NTRK2: variants seen among roughly 807,000 people sequenced by gnomAD.
NTRK2 encodes BDNF/NT-3 growth factors receptor.
Under a neutral mutation model 94.5 loss-of-function variants are expected in NTRK2, and 13 were observed. The ratio of observed to expected loss-of-function variants is 0.14; its 90% CI spans 0.09 to 0.22. NTRK2 has a LOEUF of 0.22. Among genes scored for constraint, NTRK2 ranks in the 10% least tolerant of loss-of-function variants. The pLI, the probability that NTRK2 is intolerant of heterozygous loss-of-function variation, is 1.00. For missense variants in NTRK2, 639 were observed against 1,071.2 expected (o/e 0.60, Z 5.63); for synonymous variants, 372 against 407.4 (o/e 0.91, Z 1.05).
chr9:84,879,303 A>T lies in NTRK2; in HGVS notation c.1633+11872A>T, dbSNP rs191332063. On this transcript the variant is annotated intron_variant, in intron 14 of 18. Coordinates refer to ENST00000277120, the MANE Select transcript of NTRK2 (RefSeq NM_006180.6). ...TAGGGGAAAAATGGATAAAATTTTT[A>T]AAAAATAAGGGAAATTCTTTAAAAA... is the stretch of plus-strand genomic sequence containing the variant. Among the ~76,000 whole-genome samples the T allele has an allele frequency of 1.4e-3, 208 of 151,470 alleles. 1 individual carries two copies. The highest frequency in any genetic ancestry group is 2.4e-3 in the Non-Finnish European group (163 of 68,024).
At chr9:84,878,767 A>T (rs1406896065) in intron 14 of NTRK2, among the ~76,000 whole-genome samples, 1 of 152,204 alleles carries the variant, frequency 6.6e-6, no homozygotes, top group Non-Finnish European at 1.5e-5. Context: ...TTGTGTGCAC[A>T]AAGCAAGAAT....
At chr9:84,798,397 T>C (rs1459418074) in intron 12 of NTRK2, among the ~76,000 whole-genome samples, 1 of 152,100 alleles carries the variant, frequency 6.6e-6, no homozygotes, top group Non-Finnish European at 1.5e-5. Flanking sequence ...AAACAATGGG[T>C]TCTGTTTCTG....
chr9:84,689,927 A>G (rs1290502150), intron 2 of NTRK2, among the ~76,000 whole-genome samples: 1 of 152,142 alleles, frequency 6.6e-6, no homozygotes, highest in Middle Eastern at 3.2e-3. Flanking sequence ...TTTAAATAAG[A>G]TATTTGTTTA....
intron 2 of NTRK2, among the ~76,000 whole-genome samples, chr9:84,673,432 A>G (rs2058826319): frequency 6.6e-6 from 1 of 152,202 alleles, no homozygotes; most frequent in Non-Finnish European, 1.5e-5. Context: ...TATTCCTAAA[A>G]TAACCTGTTG....
At chr9:84,750,539 G>A in intron 11 of NTRK2, among the ~76,000 whole-genome samples, 1 of 152,198 alleles carries the variant, frequency 6.6e-6, no homozygotes. Context: ...CTCAGAGCAG[G>A]CATTGGCGAC....
At chr9:84,673,666 A>G (rs964002671) in intron 2 of NTRK2, among the ~76,000 whole-genome samples, 1 of 152,200 alleles carries the variant, frequency 6.6e-6, no homozygotes, top group African/African-American at 2.4e-5. Flanking sequence ...AAATGTGTAG[A>G]TTAACCAAGA....
At chr9:84,802,932 C>T (rs2070678378) in intron 12 of NTRK2, among the ~76,000 whole-genome samples, 1 of 152,098 alleles carries the variant, frequency 6.6e-6, no homozygotes. Context: ...CAGGGATCTG[C>T]CCTTATAAAC....
chr9:84,873,073 C>A (rs2075925339), intron 14 of NTRK2: 6 of 1,064,024 alleles, frequency 5.6e-6, no homozygotes, highest in Non-Finnish European at 6.8e-6. Context: ...GAGTGCGGGG[C>A]CCCTCAGAGT....
rs189456231 is a variant in NTRK2, at chr9:84,707,239, T to G, written c.360-605T>G. Among the ~76,000 whole-genome samples, 20 of 152,376 alleles carry G rather than the reference T, an allele frequency of 1.3e-4. 1 individual carries two copies. The highest frequency in any genetic ancestry group is 1.2e-3 in the Admixed American group (19 of 15,308). Reference sequence around the variant, plus strand: ...ATCTGAAGATGGTATGTCACTAGAATGGTTCAAGATGAAATCTGACATATT... The same window carrying G: ...ATCTGAAGATGGTATGTCACTAGAAGGGTTCAAGATGAAATCTGACATATT... On this transcript the variant is annotated intron_variant, in intron 4 of 18. Transcript: ENST00000277120.
intron 17 of NTRK2, among the ~76,000 whole-genome samples, chr9:84,992,564 A>G (rs1201259556): frequency 6.6e-6 from 1 of 151,980 alleles, no homozygotes; most frequent in Admixed American, 6.6e-5. Flanking sequence ...CACTGTGCCC[A>G]TTGTCTGGCA....
intron 17 of NTRK2, among the ~76,000 whole-genome samples, chr9:84,986,380 A>G (rs542186005): frequency 6.6e-6 from 1 of 152,316 alleles, no homozygotes; most frequent in Admixed American, 6.5e-5. Flanking sequence ...CTAGATTCTC[A>G]TAAGGAGTAC....
intron 12 of NTRK2, among the ~76,000 whole-genome samples, chr9:84,839,050 T>A (rs1029524357): frequency 6.6e-6 from 1 of 152,224 alleles, no homozygotes; most frequent in Non-Finnish European, 1.5e-5. Flanking sequence ...TCTTTATGAC[T>A]ATAGTAATTA....
rs890195291 is a variant in NTRK2 at position 85,021,580 on chromosome 9, C to T, written c.*143C>T. 3.7e-6 allele frequency: 3 copies of T among 808,298 alleles called. No homozygotes were observed. The highest frequency in any genetic ancestry group is 2.5e-5 in the East Asian group (1 of 39,358). The allele number at this position is 808,298 out of a possible 1,614,324, so 50.1% of individuals were successfully genotyped here. ...AACATCAAAGACTCCGAGAAGCTCT[C>T]GAGGGAAGCAGTGTGTACTTCTTCA... On this transcript the variant is annotated 3_prime_UTR_variant, in exon 19 of 19. Coordinates refer to ENST00000277120, the MANE Select transcript of NTRK2 (RefSeq NM_006180.6).
At chr9:84,998,767 C>A (rs1228547579) in intron 17 of NTRK2, among the ~76,000 whole-genome samples, 2 of 152,144 alleles carry the variant, frequency 1.3e-5, no homozygotes, top group African/African-American at 4.8e-5. Flanking sequence ...TAATTTGATT[C>A]CATTAAGGAA....
chr9:85,018,634 G>C (rs1040975446), intron 17 of NTRK2, among the ~76,000 whole-genome samples: 7 of 152,224 alleles, frequency 4.6e-5, no homozygotes, highest in African/African-American at 1.4e-4. Context: ...AAACAGGGCA[G>C]ATATTTGCCA....
chr9:84,820,595 T>C (rs1386522692), intron 12 of NTRK2, among the ~76,000 whole-genome samples: 1 of 152,248 alleles, frequency 6.6e-6, no homozygotes, highest in Non-Finnish European at 1.5e-5. Flanking sequence ...TTTCAATATT[T>C]CTATGTTACA....
At chr9:84,702,538 G>T in intron 4 of NTRK2, 119 bp downstream of exon 4, 3 of 865,222 alleles carry the variant, frequency 3.5e-6, no homozygotes, top group Non-Finnish European at 5.9e-6. Context: ...GTATAGCTGT[G>T]ATAATAGCTT....
chr9:84,676,698 G>A (rs2059078589), intron 2 of NTRK2, among the ~76,000 whole-genome samples: 1 of 152,172 alleles, frequency 6.6e-6, no homozygotes, highest in African/African-American at 2.4e-5. Context: ...CCTCCGTTCT[G>A]TGTTCTCAAA....
chr9:84,992,033 A>G (rs1829144896), intron 17 of NTRK2, among the ~76,000 whole-genome samples: 1 of 152,140 alleles, frequency 6.6e-6, no homozygotes, highest in African/African-American at 2.4e-5. Flanking sequence ...GAGAGACCCC[A>G]GTGAGGGAGG....
Sources: allele counts gnomAD v4.1 joint callset (sites outside exome capture counted in the v4.1 genomes callset), GRCh38; gene constraint gnomAD v4.1.1; transcripts MANE v1.5; gene names NCBI Gene and HGNC (gene_info 2026-07-23, HGNC 2026-07-21).